SYN3: variants seen among roughly 807,000 people sequenced by gnomAD.
The protein encoded by SYN3 is synapsin III.
SYN3 carries 35 observed loss-of-function variants against 65.8 expected under a neutral mutation model. The observed-to-expected ratio is 0.53, with a 90% confidence interval of 0.41 to 0.70. The LOEUF (loss-of-function observed/expected upper bound fraction) is 0.70, where lower values mean the gene tolerates loss of function less well. SYN3 is among the 30% of genes least tolerant of loss of function. SYN3 has a pLI of 0.00. For synonymous variants in SYN3, 270 were observed against 292.9 expected (o/e 0.92, Z 0.80); for missense variants, 680 against 749.0 (o/e 0.91, Z 1.08).
intron 6 of SYN3, among the ~76,000 whole-genome samples, chr22:32,642,046 T>G (rs2059909103): frequency 6.6e-6 from 1 of 151,950 alleles, no homozygotes; most frequent in South Asian, 2.1e-4. Flanking sequence ...TCCCAGCACT[T>G]TGGGAGGCAG....
chr22:33,033,928 T>G (rs538779283), intron 1 of SYN3, among the ~76,000 whole-genome samples: 7 of 152,134 alleles, frequency 4.6e-5, no homozygotes, highest in African/African-American at 1.7e-4. Context: ...TTCACGCCTA[T>G]AATCCCAGCA....
rs574782167 is a variant in SYN3 at position 32,825,637 on chromosome 22, G to A, written c.711+39278C>T. The stretch of plus-strand genomic sequence containing the variant: ...CATGCCACTGCACTCCAGCCTGGGC[G>A]ACAGAGCGAGTTTCCATCTCAAAAA... On this transcript the variant is annotated intron_variant, in intron 6 of 13. Transcript: ENST00000358763. 5.4e-4 allele frequency among the ~76,000 whole-genome samples: 63 copies of A among 116,716 alleles called. No homozygotes were observed. The South Asian group carries it at 0.019, about 35-fold the overall frequency. 76.6% of individuals were successfully genotyped at this position (116,716 alleles called of 152,430 possible). A position where few individuals can be genotyped will look rare whatever the true frequency, so the allele number is the denominator to read the frequency against.
intron 6 of SYN3, among the ~76,000 whole-genome samples, chr22:32,718,764 A>G (rs900947060): frequency 2.0e-5 from 3 of 152,226 alleles, no homozygotes; most frequent in Non-Finnish European, 4.4e-5. Context: ...AGGATCAATG[A>G]ACAGGAAGAC....
At chr22:32,893,650 C>T (rs901549815) in intron 4 of SYN3, among the ~76,000 whole-genome samples, 4 of 152,008 alleles carry the variant, frequency 2.6e-5, no homozygotes, top group African/African-American at 7.2e-5. Flanking sequence ...CTGGTAAGAC[C>T]TGAGCAAACC....
intron 6 of SYN3, among the ~76,000 whole-genome samples, chr22:32,727,289 C>G (rs993336336): frequency 1.3e-5 from 2 of 152,168 alleles, no homozygotes; most frequent in Non-Finnish European, 2.9e-5. Context: ...GCTTACAGCC[C>G]CATTCATGTC....
chr22:32,963,747 T>A lies in SYN3; in HGVS notation c.369+16898A>T, dbSNP rs565059471. Among the ~76,000 whole-genome samples the A allele has an allele frequency of 2.6e-5, 4 of 152,274 alleles. No homozygotes were observed. In the East Asian group the frequency reaches 7.7e-4, roughly 29 times the overall value. On this transcript the variant is annotated intron_variant, in intron 3 of 13. Transcript: ENST00000358763. ...GGTGCCAGGTTAGGAAGGGCCCTGG[T>A]GCTGCCTAAAGACTTTGGCCTTCAT...
At chr22:32,718,532 A>G (rs1286967470) in intron 6 of SYN3, among the ~76,000 whole-genome samples, 1 of 151,978 alleles carries the variant, frequency 6.6e-6, no homozygotes, top group African/African-American at 2.4e-5. Context: ...AAAAAAGAAA[A>G]TGTAGAAAAG....
chr22:32,527,684 C>A, intron 12 of SYN3: 1 of 439,206 alleles, frequency 2.3e-6, no homozygotes, highest in Non-Finnish European at 4.0e-6. Flanking sequence ...GTGGGACATT[C>A]CCTGGCACAG....
chr22:32,797,111 A>G (rs1430679395), intron 6 of SYN3, among the ~76,000 whole-genome samples: 1 of 152,150 alleles, frequency 6.6e-6, no homozygotes, highest in African/African-American at 2.4e-5. Context: ...CCTCGCAGTG[A>G]GACGACCGAC....
chr22:32,534,610 T>C (rs2058133234), intron 9 of SYN3, among the ~76,000 whole-genome samples: 2 of 152,198 alleles, frequency 1.3e-5, no homozygotes, highest in South Asian at 2.1e-4. Context: ...GGTGGTTGTA[T>C]GTGAAGAAAC....
intron 6 of SYN3, chr22:32,857,496 C>A: frequency 1.3e-6 from 1 of 746,100 alleles, no homozygotes; most frequent in South Asian, 1.5e-5. Context: ...TTGAATTCAT[C>A]CCACTTACCC....
chr22:32,535,322 G>A (rs1296932635), intron 9 of SYN3, among the ~76,000 whole-genome samples: 1 of 152,198 alleles, frequency 6.6e-6, no homozygotes, highest in Non-Finnish European at 1.5e-5. Flanking sequence ...AAATGGGAAA[G>A]CCTAGATCTG....
At chr22:32,833,835 G>A in intron 6 of SYN3, 1 of 501,972 alleles carries the variant, frequency 2.0e-6, no homozygotes, top group Non-Finnish European at 4.0e-6. Context: ...TCCACGGAAA[G>A]CATTTAGCAC....
chr22:32,660,689 C>A (rs2060205141), intron 6 of SYN3, among the ~76,000 whole-genome samples: 2 of 152,222 alleles, frequency 1.3e-5, no homozygotes, highest in Non-Finnish European at 2.9e-5. Flanking sequence ...AAATTTGCAT[C>A]ATTACTTATT....
chr22:32,869,055 G>T lies in SYN3; in HGVS notation c.532C>A (p.Arg178Ser), dbSNP rs762768267. 6.2e-7 allele frequency: 1 copy of T among 1,614,142 alleles called. No homozygotes were observed. ...AYSMALGEDY[R>S]SLVIGLQYGG... Reference sequence around the variant, plus strand: ...TACTGCAGGCCGATGACCAGGCTGCGGTAGTCTTCCCCCAGGGCCATGCTG... The same window carrying T: ...TACTGCAGGCCGATGACCAGGCTGCTGTAGTCTTCCCCCAGGGCCATGCTG... The change falls in exon 5 of 14, where the codon CGC becomes AGC. Residue 178 changes from arginine to serine, a missense_variant. Coordinates refer to ENST00000358763, the MANE Select transcript of SYN3 (RefSeq NM_003490.4).
At chr22:32,531,256 C>T (rs1354212237) in intron 10 of SYN3, among the ~76,000 whole-genome samples, 11 of 151,700 alleles carry the variant, frequency 7.3e-5, no homozygotes, top group Non-Finnish European at 1.2e-4. Flanking sequence ...TGGATCCCAG[C>T]GCCCCAGACA....
chr22:32,626,408 G>A (rs1453616371), intron 6 of SYN3, among the ~76,000 whole-genome samples: 3 of 152,208 alleles, frequency 2.0e-5, no homozygotes, highest in African/African-American at 7.2e-5. Context: ...TCATTTCTGG[G>A]AGGGCTCTGA....
intron 7 of SYN3, among the ~76,000 whole-genome samples, chr22:32,591,293 C>T (rs1472514968): frequency 6.6e-6 from 1 of 151,826 alleles, no homozygotes; most frequent in Non-Finnish European, 1.5e-5. Context: ...ATGTCATTGT[C>T]AAAAGGAGAA....
chr22:32,527,693 A>G (rs2058002487), intron 12 of SYN3: 2 of 454,358 alleles, frequency 4.4e-6, no homozygotes, highest in Non-Finnish European at 7.8e-6. Flanking sequence ...TCCCTGGCAC[A>G]GTGCTTGGTG....
Sources: gnomAD v4.1 joint callset for allele counts (sites outside exome capture counted in the v4.1 genomes callset) on GRCh38, gnomAD v4.1.1 for gene constraint, MANE v1.5 for transcripts, NCBI Gene and HGNC (gene_info 2026-07-23, HGNC 2026-07-21) for gene names.